Variants in CDH26 observed in about 807,000 individuals in gnomAD.
The protein encoded by CDH26 is cadherin-like protein 26.
CDH26 carries 83 observed loss-of-function variants against 90.3 expected under a neutral mutation model. That is an observed-to-expected ratio of 0.92 (90% confidence interval 0.77 to 1.10). The LOEUF (loss-of-function observed/expected upper bound fraction) is 1.10, where lower values mean the gene tolerates loss of function less well. CDH26 is among the 50% of genes least tolerant of loss of function. CDH26 has a pLI of 0.00. For synonymous variants in CDH26, 397 were observed against 396.3 expected (o/e 1.00, Z -0.02); for missense variants, 1,013 against 1,037.6 (o/e 0.98, Z 0.33).
chr20:59,999,037 C>G (rs900549588), intron 13 of CDH26, among the ~76,000 whole-genome samples: 6 of 152,188 alleles, frequency 3.9e-5, no homozygotes, highest in African/African-American at 1.4e-4. Context: ...TAGCTGCACA[C>G]ATGTTGTCAC....
In CDH26 at chr20:59,994,437, G is replaced by A. The variant is rs751080005; in HGVS notation, c.1614G>A (p.Leu538=). Reference sequence around the variant, plus strand: ...TCTCTGACCCATTTACATTTGAATTGGACAATACCTGGGGAAATGCGGAGG... The same window carrying A: ...TCTCTGACCCATTTACATTTGAATTAGACAATACCTGGGGAAATGCGGAGG... ...EPFSDPFTFE[L]DNTWGNAEDT... The change falls in exon 11 of 18, where the codon TTG becomes TTA. Residue 538 remains leucine, a synonymous_variant. Transcript: ENST00000348616. 1 of 1,614,140 alleles carries A rather than the reference G, an allele frequency of 6.2e-7. No individual in the cohort carries two copies. The highest frequency in any genetic ancestry group is 1.1e-5 in the South Asian group (1 of 91,076).
downstream of CDH26, among the ~76,000 whole-genome samples, chr20:60,035,225 T>A (rs1266435855): frequency 6.6e-6 from 1 of 152,232 alleles, no homozygotes; most frequent in East Asian, 1.9e-4. Flanking sequence ...GGCTTTTTGC[T>A]ACAACAAACA....
At chr20:59,979,567 CTT>C (rs1019004229) in intron 4 of CDH26, among the ~76,000 whole-genome samples, 8 of 103,786 alleles carry the variant, frequency 7.7e-5, no homozygotes, top group African/African-American at 1.5e-4. Flanking sequence ...TGCTTGGACT[CTT>C]TTCAATTGTG....
intron 7 of CDH26, among the ~76,000 whole-genome samples, chr20:60,019,927 G>A (rs562625206): frequency 1.3e-5 from 2 of 152,284 alleles, no homozygotes; most frequent in African/African-American, 4.8e-5. Context: ...GATTCTAAGT[G>A]GACACAGTAG....
chr20:59,975,085 C>T (rs747855336), intron 4 of CDH26, among the ~76,000 whole-genome samples: 4 of 152,092 alleles, frequency 2.6e-5, no homozygotes, highest in African/African-American at 7.2e-5. Context: ...AATGTAGCCT[C>T]GGCCTTGCTG....
intron 14 of CDH26, among the ~76,000 whole-genome samples, chr20:60,000,949 G>A (rs1003026480): frequency 2.0e-4 from 31 of 152,136 alleles, no homozygotes; most frequent in African/African-American, 6.5e-4. Flanking sequence ...TTATTGAAGC[G>A]TCACTATTAA....
At chr20:60,025,534 G>A (rs2146033126) in intron 7 of CDH26, among the ~76,000 whole-genome samples, 1 of 152,326 alleles carries the variant, frequency 6.6e-6, no homozygotes, top group East Asian at 1.9e-4. Context: ...GTCCTCCAGG[G>A]CCTTCGGGGT....
At chr20:60,026,064 A>AG (rs2061994631) in intron 7 of CDH26, among the ~76,000 whole-genome samples, 1 of 152,182 alleles carries the variant, frequency 6.6e-6, no homozygotes, top group Non-Finnish European at 1.5e-5. Flanking sequence ...ATGGCCCGAA[A>AG]AAGGCTTCAT....
At chr20:60,000,170 C>T (rs1269719440) in intron 14 of CDH26, among the ~76,000 whole-genome samples, 2 of 152,318 alleles carry the variant, frequency 1.3e-5, no homozygotes, top group East Asian at 3.9e-4. Context: ...GGCCCCTCTG[C>T]AAGGAAGGCA....
At chr20:60,026,596 G>A (rs534684441) in intron 7 of CDH26, among the ~76,000 whole-genome samples, 1 of 152,286 alleles carries the variant, frequency 6.6e-6, no homozygotes, top group South Asian at 2.1e-4. Context: ...TTGCCAGCAA[G>A]GACACAAGAA....
rs375267437 is a variant in CDH26, at chr20:60,009,429, C to T, written c.2295+2642C>T. On this transcript the variant is annotated intron_variant, in intron 17 of 17. Coordinates refer to ENST00000348616, the MANE Select transcript of CDH26 (RefSeq NM_177980.4). ...TCCAGCTTACCCATTTTCACATTTG[C>T]GCACACACACGTGAACGCATGCACA... Among the ~76,000 whole-genome samples, 8 of 152,228 alleles carry T rather than the reference C, an allele frequency of 5.3e-5. No individual in the cohort carries two copies. The East Asian group carries it at 5.8e-4, about 11-fold the overall frequency.
rs773355700 is a variant in CDH26 at position 60,002,825 on chromosome 20, C to G, written c.2179C>G (p.Pro727Ala). 8 of 1,601,116 alleles carry G rather than the reference C, an allele frequency of 5.0e-6. No individual in the cohort carries two copies. The highest frequency in any genetic ancestry group is 1.7e-4 in the Middle Eastern group (1 of 5,840). The part of the protein sequence containing the change: ...CALGSWGYGK[P>A]FEPRSVKNIH... ...ATCTTTCTTTAAGGGTTATGGCAAG[C>G]CCTTTGAGCCAAGAAGTGTGAAAAA... Residue 727 changes from proline to alanine, a missense_variant, in exon 16 of 18, where the codon CCC (proline) becomes GCC (alanine). By Grantham distance (27) the Pro-to-Ala change is conservative (BLOSUM62 -1). Transcript: ENST00000348616.
intron 5 of CDH26, 44 bp from the exon 6 acceptor site, chr20:59,984,595 G>A: frequency 6.5e-7 from 1 of 1,533,104 alleles, no homozygotes; most frequent in Non-Finnish European, 8.9e-7. Context: ...GGTTTGATAG[G>A]CTACCTTTAT....
chr20:59,996,607 T>C, intron 12 of CDH26, 24 bp from the exon 13 acceptor site: 2 of 1,614,200 alleles, frequency 1.2e-6, no homozygotes, highest in Non-Finnish European at 1.7e-6. Flanking sequence ...GTCTAATCTG[T>C]TTTTCCCCTT....
chr20:59,962,759 G>A (rs890033212), intron 1 of CDH26, among the ~76,000 whole-genome samples: 3 of 152,212 alleles, frequency 2.0e-5, no homozygotes, highest in African/African-American at 7.2e-5. Flanking sequence ...AACTTTAGCT[G>A]TTTGGGGTGG....
intron 14 of CDH26, 129 bp from the exon 15 acceptor site, chr20:60,001,214 T>G: frequency 9.2e-7 from 1 of 1,085,198 alleles, no homozygotes; most frequent in Non-Finnish European, 1.4e-6. Flanking sequence ...CTCCCTCTCA[T>G]CGTGTTAATT....
At chr20:60,021,263 C>A (rs1343920823) in intron 7 of CDH26, among the ~76,000 whole-genome samples, 1 of 152,188 alleles carries the variant, frequency 6.6e-6, no homozygotes, top group African/African-American at 2.4e-5. Context: ...TGCCTTACTA[C>A]CATGAGTCAA....
rs75047105 is a variant in CDH26, at chr20:59,999,242, C to T, written c.2020-344C>T. ...ACAATGCACAGAATACCATGCAATG[C>T]TGGTGACCCCAAGAGCCATCACCAT... On this transcript the variant is annotated intron_variant, in intron 13 of 17. Coordinates refer to ENST00000348616, the MANE Select transcript of CDH26 (RefSeq NM_177980.4). Among the ~76,000 whole-genome samples the T allele has an allele frequency of 5.5e-3, 836 of 152,350 alleles. 3 individuals carry two copies. The highest frequency in any genetic ancestry group is 8.8e-3 in the Non-Finnish European group (597 of 68,044).
chr20:59,965,531 A>C (rs537513653), intron 1 of CDH26, among the ~76,000 whole-genome samples: 2 of 152,212 alleles, frequency 1.3e-5, no homozygotes, highest in Non-Finnish European at 2.9e-5. Flanking sequence ...AAGTGCCACT[A>C]TCTATATATT....
Sources: allele counts gnomAD v4.1 joint callset (sites outside exome capture counted in the v4.1 genomes callset), GRCh38; gene constraint gnomAD v4.1.1; transcripts MANE v1.5; gene names NCBI Gene and HGNC (gene_info 2026-07-23, HGNC 2026-07-21).